BAZ2B: variants seen among roughly 807,000 people sequenced by gnomAD.
BAZ2B encodes the protein bromodomain adjacent to zinc finger domain protein 2B.
In BAZ2B, 91 loss-of-function variants were observed where a neutral mutation model predicts 246.0. The ratio of observed to expected loss-of-function variants is 0.37; its 90% CI spans 0.31 to 0.44. The LOEUF is 0.44. Among genes scored for constraint, BAZ2B ranks in the 20% least tolerant of loss-of-function variants. The pLI, the probability that BAZ2B is intolerant of heterozygous loss-of-function variation, is 1.00. For missense variants in BAZ2B, 2,332 were observed against 2,533.7 expected (o/e 0.92, Z 1.71); for synonymous variants, 855 against 860.0 (o/e 0.99, Z 0.10).
chr2:159,324,294 T>C (rs1449387098), intron 36 of BAZ2B, among the ~76,000 whole-genome samples: 2 of 152,316 alleles, frequency 1.3e-5, no homozygotes, highest in African/African-American at 4.8e-5. Context: ...ATTTAATAAA[T>C]GGAATTTTGG....
At chr2:159,362,490 A>G (rs2059820222) in intron 27 of BAZ2B, among the ~76,000 whole-genome samples, 1 of 152,172 alleles carries the variant, frequency 6.6e-6, no homozygotes, top group Admixed American at 6.5e-5. Flanking sequence ...TGGAATCATT[A>G]TGGAGGCTGG....
intron 4 of BAZ2B, 91 bp downstream of exon 4, chr2:159,453,522 G>A: frequency 7.3e-7 from 1 of 1,367,964 alleles, no homozygotes. Flanking sequence ...CCAGGCATTA[G>A]ACTATTCCTT....
Position 159,382,799 on chromosome 2 carries a change from G to A in BAZ2B, c.3765C>T (p.Leu1255=). 6.2e-7 allele frequency: 1 copy of A among 1,611,772 alleles called. No individual in the cohort carries two copies. Among genetic ancestry groups the A allele is most frequent in the Non-Finnish European group, 8.5e-7 (1 of 1,178,894 alleles). Residue 1255 remains leucine (L), a synonymous_variant, in exon 25 of 37, where the codon CTC becomes CTT. Transcript: ENST00000392783. ...KWVVEGKLRK[L]RIIHAKKTGK... is the part of the protein sequence containing the mutation. ...CTGTTTTCTTAGCATGAATGATTCTGAGCCTTTAAATATTATGAAAAGTGA... is the reference window on the plus strand; with the variant it reads ...CTGTTTTCTTAGCATGAATGATTCTAAGCCTTTAAATATTATGAAAAGTGA...
At chr2:159,519,210 C>CTTTTTTTTTTTTTTTTTTTTTTTTT (rs564614568) in intron 2 of BAZ2B, among the ~76,000 whole-genome samples, 2 of 57,770 alleles carry the variant, frequency 3.5e-5, no homozygotes, top group Non-Finnish European at 6.7e-5. Context: ...ATTCTATTTT[C>CTTTTTTTTTTTTTTTTTTTTTTTTT]TTTTTTTTTT....
At chr2:159,328,421 C>A (rs180915692) in intron 34 of BAZ2B, among the ~76,000 whole-genome samples, 1 of 152,284 alleles carries the variant, frequency 6.6e-6, no homozygotes, top group Admixed American at 6.5e-5. Context: ...CGGCTCCAAA[C>A]AGGCCACAGA....
chr2:159,365,422 C>G (rs529005955), intron 27 of BAZ2B, among the ~76,000 whole-genome samples: 13 of 152,326 alleles, frequency 8.5e-5, no homozygotes, highest in Admixed American at 3.3e-4. Flanking sequence ...GAAGAATCTA[C>G]TTGGTATGCC....
intron 36 of BAZ2B, 29 bp downstream of exon 36, chr2:159,324,782 T>TACCTGAATAGTGAACTGAATG: frequency 7.0e-7 from 1 of 1,427,868 alleles, no homozygotes; most frequent in Non-Finnish European, 9.3e-7. Flanking sequence ...ATTCAATAAA[T>TACCTGAATAGTGAACTGAATG]ATTTAGTGAA....
At position 159,604,776 on chromosome 2, in the gene BAZ2B, GAC is replaced by G. The variant is rs561472025; in HGVS notation, c.-46+11464_-46+11465del. Among the ~76,000 whole-genome samples, 7 of 152,206 alleles carry G rather than the reference GAC, an allele frequency of 4.6e-5. No homozygotes were observed. The South Asian group carries it at 1.5e-3, about 32-fold the overall frequency. ...TTGGGCCTTAACATAGGCATAAAAG[GAC>G]AGTTTTACTAGCAGAAAGGAATGCA... is the stretch of plus-strand genomic sequence containing the variant. On this transcript the variant is annotated intron_variant, in intron 1 of 36. Coordinates refer to ENST00000392783, the MANE Select transcript of BAZ2B (RefSeq NM_013450.4).
the BAZ2B span, among the ~76,000 whole-genome samples, chr2:159,621,932 C>A: frequency 6.6e-6 from 1 of 152,032 alleles, no homozygotes; most frequent in Non-Finnish European, 1.5e-5. Context: ...TGGAGAAACC[C>A]CCATCTCTAC....
In BAZ2B at chr2:159,413,292, T is replaced by C. The variant is rs535425648; in HGVS notation, c.2467-747A>G. Among the ~76,000 whole-genome samples, 9 of 152,324 alleles carry C rather than the reference T, an allele frequency of 5.9e-5. No individual in the cohort carries two copies. The South Asian group carries it at 1.9e-3, about 32-fold the overall frequency. On this transcript the variant is annotated intron_variant, in intron 13 of 36. Transcript: ENST00000392783. ...GAAATTCTATAAATGACCTAGTTTCTTCAACAAATGTTGCAAGAAGTAAGA... is the reference window on the plus strand; with the variant it reads ...GAAATTCTATAAATGACCTAGTTTCCTCAACAAATGTTGCAAGAAGTAAGA...
intron 34 of BAZ2B, among the ~76,000 whole-genome samples, chr2:159,328,483 T>G (rs1395912883): frequency 1.3e-5 from 2 of 152,222 alleles, no homozygotes; most frequent in African/African-American, 2.4e-5. Context: ...GTTTCCAATA[T>G]TTAATATTTG....
chr2:159,623,252 C>T, the BAZ2B span, among the ~76,000 whole-genome samples: 1 of 151,814 alleles, frequency 6.6e-6, no homozygotes, highest in African/African-American at 2.4e-5. Context: ...TACCTGTAGT[C>T]GCAGGTACTT....
At chr2:159,673,872 A>G in the BAZ2B span, among the ~76,000 whole-genome samples, 1 of 152,196 alleles carries the variant, frequency 6.6e-6, no homozygotes, top group Non-Finnish European at 1.5e-5. Flanking sequence ...AGAACAAACA[A>G]ATCCTGTAGA....
At chr2:159,599,962 AAAGAAAG>A (rs1378699056) in intron 1 of BAZ2B, among the ~76,000 whole-genome samples, 2 of 151,678 alleles carry the variant, frequency 1.3e-5, no homozygotes, top group East Asian at 3.9e-4. Context: ...AAGAAAAGAA[AAAGAAAG>A]AAAGAAAGAA....
chr2:159,444,535 T>C (rs1484980625), intron 6 of BAZ2B: 2 of 152,240 alleles, frequency 1.3e-5, no homozygotes, highest in African/African-American at 2.4e-5. Context: ...TAAATGTATT[T>C]GTTCAGTTCT....
At chr2:159,649,696 A>G in the BAZ2B span, among the ~76,000 whole-genome samples, 1 of 151,922 alleles carries the variant, frequency 6.6e-6, no homozygotes. Context: ...AGTTTTCTTC[A>G]TGTTTCTTGG....
intron 6 of BAZ2B, among the ~76,000 whole-genome samples, chr2:159,446,375 A>G (rs913796648): frequency 6.6e-6 from 1 of 152,202 alleles, no homozygotes; most frequent in African/African-American, 2.4e-5. Context: ...TGTATATTTG[A>G]AAGTTTCCAT....
chr2:159,510,245 C>T (rs570892582), intron 2 of BAZ2B, among the ~76,000 whole-genome samples: 2 of 152,098 alleles, frequency 1.3e-5, no homozygotes, highest in East Asian at 1.9e-4. Flanking sequence ...TGCAGTGGTG[C>T]GATCACAGTT....
chr2:159,600,983 ATT>A (rs544151348), intron 1 of BAZ2B, among the ~76,000 whole-genome samples: 206 of 152,160 alleles, frequency 1.4e-3, no homozygotes, highest in Non-Finnish European at 2.5e-3. Context: ...ACAGAGAGTC[ATT>A]CTCTCCCTCC....
Sources: gnomAD v4.1 joint callset for allele counts (sites outside exome capture counted in the v4.1 genomes callset) on GRCh38, gnomAD v4.1.1 for gene constraint, MANE v1.5 for transcripts, NCBI Gene and HGNC (gene_info 2026-07-23, HGNC 2026-07-21) for gene names.